The following ZNF385D variants were observed in gnomAD, a reference collection of about 807,000 sequenced individuals.
ZNF385D encodes zinc finger protein 659.
ZNF385D carries 15 observed loss-of-function variants against 35.8 expected under a neutral mutation model. The observed-to-expected ratio is 0.42, with a 90% confidence interval of 0.28 to 0.64. ZNF385D has a LOEUF of 0.64. Among genes scored for constraint, ZNF385D ranks in the 30% least tolerant of loss-of-function variants. ZNF385D has a pLI of 0.23. For missense variants in ZNF385D, 474 were observed against 494.6 expected (o/e 0.96, Z 0.39); for synonymous variants, 212 against 186.8 (o/e 1.13, Z -1.10).
In ZNF385D at chr3:21,621,902, C is replaced by T. The variant is rs566227414; in HGVS notation, c.165+42984G>A. Among the ~76,000 whole-genome samples, 581 of 150,098 alleles carry T rather than the reference C, an allele frequency of 3.9e-3. 2 individuals carry two copies. Among genetic ancestry groups the T allele is most frequent in the African/African-American group, 0.014 (566 of 41,202 alleles). On this transcript the variant is annotated intron_variant, in intron 2 of 7. Transcript: ENST00000281523. ...GTGTGTGTGTGTGTGTGTGCGTGCA[C>T]GCACGTGTGTGCTTTCTTTGGAACT...
chr3:22,356,821 A>C (rs1251320815), intron 2 of ZNF385D, among the ~76,000 whole-genome samples: 1 of 151,920 alleles, frequency 6.6e-6, no homozygotes, highest in Non-Finnish European at 1.5e-5. Flanking sequence ...TGAACATTTT[A>C]CAAAGTAGAT....
At chr3:22,050,845 T>C (rs1699308154) in intron 3 of ZNF385D, among the ~76,000 whole-genome samples, 1 of 152,212 alleles carries the variant, frequency 6.6e-6, no homozygotes, top group African/African-American at 2.4e-5. Context: ...CTCTTCACTT[T>C]TCTGACCCTT....
Position 21,942,251 on chromosome 3 carries a change from G to A in ZNF385D, c.325+226566C>T, listed in dbSNP as rs1366029298. On this transcript the variant is annotated intron_variant, in intron 3 of 5. Coordinates refer to the ZNF385D transcript ENST00000494108. ...ACGTAGTTTGTTTTTAAAATAAAAT[G>A]ACTCCTTTTTTAAATGGTCAGAGGA... 2.0e-5 allele frequency among the ~76,000 whole-genome samples: 3 copies of A among 152,072 alleles called. No individual in the cohort carries two copies. The East Asian group carries it at 5.8e-4, about 29-fold the overall frequency.
At chr3:22,018,586 C>G (rs546873643) in intron 3 of ZNF385D, among the ~76,000 whole-genome samples, 72 of 152,112 alleles carry the variant, frequency 4.7e-4, no homozygotes, top group Admixed American at 1.1e-3. Flanking sequence ...TGCTTCTTCT[C>G]TATGACTTTA....
chr3:21,862,357 T>C (rs1337618513), intron 3 of ZNF385D, among the ~76,000 whole-genome samples: 2 of 151,686 alleles, frequency 1.3e-5, no homozygotes, highest in Non-Finnish European at 2.9e-5. Context: ...CCTTTGAAAC[T>C]GAGAACATAC....
At position 21,453,166 on chromosome 3, in the gene ZNF385D, T is replaced by A. The variant is rs1226960709; in HGVS notation, c.440-15963A>T. Reference sequence around the variant, plus strand: ...ATGCTAGGACAAATAAGCATACACATGCAAAAAAAAAAAAAATGAAGTTGG... The same window carrying A: ...ATGCTAGGACAAATAAGCATACACAAGCAAAAAAAAAAAAAATGAAGTTGG... On this transcript the variant is annotated intron_variant, in intron 4 of 7. Coordinates refer to ENST00000281523, the MANE Select transcript of ZNF385D (RefSeq NM_024697.3). Among the ~76,000 whole-genome samples, 7 of 66,448 alleles carry A rather than the reference T, an allele frequency of 1.1e-4. No homozygotes were observed. In the East Asian group the frequency reaches 2.4e-3, roughly 23 times the overall value. The allele number at this position is 66,448 out of a possible 152,430, so 43.6% of individuals were successfully genotyped here.
chr3:21,897,304 T>C (rs1049094287), intron 3 of ZNF385D, among the ~76,000 whole-genome samples: 9 of 152,288 alleles, frequency 5.9e-5, no homozygotes, highest in African/African-American at 1.7e-4. Flanking sequence ...GGGTGACTGA[T>C]ATTGATTACT....
At chr3:21,777,195 T>G (rs754049839) in intron 3 of ZNF385D, among the ~76,000 whole-genome samples, 1 of 152,002 alleles carries the variant, frequency 6.6e-6, no homozygotes, top group Non-Finnish European at 1.5e-5. Flanking sequence ...AAGTTCTGTT[T>G]TGTTTAAAAT....
chr3:21,987,268 G>C (rs1404222248), intron 3 of ZNF385D, among the ~76,000 whole-genome samples: 4 of 140,280 alleles, frequency 2.9e-5, no homozygotes, highest in Admixed American at 2.0e-4. Flanking sequence ...TAGTCTCGAT[G>C]GTCTTTACAT....
chr3:21,766,542 T>G lies in ZNF385D; in HGVS notation c.326-101514A>C, dbSNP rs138841621. ...ACTGATTTTGTCCTTTATTTCAATT[T>G]CTGGTAACTCACTATATATCTGCTT... On this transcript the variant is annotated intron_variant, in intron 3 of 5. Coordinates refer to the ZNF385D transcript ENST00000494108. 5.3e-5 allele frequency among the ~76,000 whole-genome samples: 8 copies of G among 152,268 alleles called. No homozygotes were observed. The East Asian group carries it at 1.5e-3, about 29-fold the overall frequency.
At chr3:22,092,350 T>A (rs1038096102) in intron 3 of ZNF385D, among the ~76,000 whole-genome samples, 11 of 152,298 alleles carry the variant, frequency 7.2e-5, no homozygotes, top group African/African-American at 2.6e-4. Flanking sequence ...AGCTTGTTTC[T>A]ACAAAGCCTG....
chr3:22,144,468 G>T lies in ZNF385D; in HGVS notation c.325+24349C>A, dbSNP rs541516889. 4.0e-5 allele frequency among the ~76,000 whole-genome samples: 6 copies of T among 151,044 alleles called. No individual in the cohort carries two copies. In the South Asian group the frequency reaches 1.0e-3, roughly 26 times the overall value. On this transcript the variant is annotated intron_variant, in intron 3 of 5. Coordinates refer to the ZNF385D transcript ENST00000494108. ...GTGGTGCATGCCTTCGAGCTACTGC[G>T]GAGGCTAAGGCAGGAAATTGCTTGA...
intron 3 of ZNF385D, among the ~76,000 whole-genome samples, chr3:22,010,267 T>C (rs1696490457): frequency 6.6e-6 from 1 of 152,212 alleles, no homozygotes; most frequent in Admixed American, 6.5e-5. Context: ...TAGTACTTGT[T>C]GCTATAAACA....
intron 2 of ZNF385D, among the ~76,000 whole-genome samples, chr3:22,221,809 G>A (rs1698272585): frequency 6.6e-6 from 1 of 151,998 alleles, no homozygotes; most frequent in African/African-American, 2.4e-5. Context: ...TTATCTTTGT[G>A]TGGTTAAGTT....
intron 3 of ZNF385D, among the ~76,000 whole-genome samples, chr3:21,760,023 C>G (rs1259690733): frequency 6.6e-6 from 1 of 152,148 alleles, no homozygotes; most frequent in Non-Finnish European, 1.5e-5. Flanking sequence ...GTTTGGCTTC[C>G]TCTGTCAAAA....
In ZNF385D at chr3:22,259,711, G is replaced by A. The variant is rs139072592; in HGVS notation, c.107-90676C>T. On this transcript the variant is annotated intron_variant, in intron 2 of 5. Transcript: ENST00000494108. ...GCTTTAGGAAAAAAACTATGAGCAC[G>A]TAGTAGTGAAGAACACACTGGTCCT... Among the ~76,000 whole-genome samples, 184 of 152,024 alleles carry A rather than the reference G, an allele frequency of 1.2e-3. 1 individual carries two copies. The East Asian group carries it at 0.03, about 24-fold the overall frequency.
chr3:21,542,281 T>TATCA (rs1207645828), intron 3 of ZNF385D, among the ~76,000 whole-genome samples: 2 of 152,100 alleles, frequency 1.3e-5, no homozygotes, highest in African/African-American at 4.8e-5. Context: ...ACTTCATTTT[T>TATCA]ATCAAAATGC....
At chr3:22,257,195 T>G (rs1700361590) in intron 2 of ZNF385D, among the ~76,000 whole-genome samples, 1 of 151,816 alleles carries the variant, frequency 6.6e-6, no homozygotes, top group South Asian at 2.1e-4. Context: ...CCCCCATATT[T>G]TCAAATTATT....
At chr3:21,678,377 G>A (rs9310651) in intron 1 of ZNF385D, among the ~76,000 whole-genome samples, 6 of 152,092 alleles carry the variant, frequency 3.9e-5, no homozygotes, top group East Asian at 1.9e-4. Flanking sequence ...CCTGAGATTC[G>A]CTCATGATTC....
Sources: allele counts gnomAD v4.1 joint callset (sites outside exome capture counted in the v4.1 genomes callset), GRCh38; gene constraint gnomAD v4.1.1; transcripts MANE v1.5; gene names NCBI Gene and HGNC (gene_info 2026-07-23, HGNC 2026-07-21).